The following NOP56 variants were observed in gnomAD, a reference collection of about 807,000 sequenced individuals.
NOP56 encodes the protein NOP56 ribonucleoprotein, also known as nucleolar protein 56.
NOP56 carries 31 observed loss-of-function variants against 58.3 expected under a neutral mutation model. That is an observed-to-expected ratio of 0.53 (90% CI 0.40 to 0.72). The LOEUF is 0.72. NOP56 is among the 30% of genes least tolerant of loss of function. The pLI is 0.00. For missense variants in NOP56, 669 were observed against 739.9 expected (o/e 0.90, Z 1.11); for synonymous variants, 313 against 282.8 (o/e 1.11, Z -1.07).
Position 2,656,477 on chromosome 20 carries a change from A to G in NOP56, c.1087A>G (p.Lys363Glu), listed in dbSNP as rs771665237. 1 of 1,614,208 alleles carries G rather than the reference A, an allele frequency of 6.2e-7. No individual in the cohort carries two copies. The highest frequency in any genetic ancestry group is 1.1e-5 in the South Asian group (1 of 91,082). The change falls in exon 9 of 12, where the codon AAG (lysine) becomes GAG (glutamate). Residue 363 changes from lysine (K) to glutamate (E), a missense_variant. By Grantham distance (56) the Lys-to-Glu change is moderately conservative. Coordinates refer to ENST00000329276, the MANE Select transcript of NOP56 (RefSeq NM_006392.4). ...HSTFIGRAAAKNKGRISRYLA... is the reference protein window; with the variant it reads ...HSTFIGRAAAENKGRISRYLA... The stretch of plus-strand genomic sequence containing the variant: ...CACCTTCATTGGCCGAGCAGCTGCC[A>G]AGAACAAAGGCCGCATCTCCCGATA...
In NOP56 at chr20:2,652,711, G is replaced by C. The variant is rs536257921; in HGVS notation, c.3+48G>C. ...GGGCGACGCGACGGTGGGGGTTTCGGCCTGCGTTCGGGCCGCAGACAGGGC... is the reference window on the plus strand; with the variant it reads ...GGGCGACGCGACGGTGGGGGTTTCGCCCTGCGTTCGGGCCGCAGACAGGGC... On this transcript the variant is annotated intron_variant, in intron 1 of 11. Transcript: ENST00000329276. 1.4e-3 allele frequency: 2,137 copies of C among 1,496,076 alleles called. 9 individuals are homozygous for C. The highest frequency in any genetic ancestry group is 2.4e-3 in the South Asian group (185 of 76,932). The allele number at this position is 1,496,076 out of a possible 1,614,324, so 92.7% of individuals were successfully genotyped here.
chr20:2,658,281 C>G lies in NOP56; in HGVS notation c.1772C>G (p.Ser591Cys). 6.3e-7 allele frequency: 1 copy of G among 1,595,658 alleles called. No homozygotes were observed. The change falls in exon 12 of 12, where the codon TCC (serine) becomes TGC (cysteine). Residue 591 changes from serine (S) to cysteine (C), a missense_variant. Ser to Cys is a moderately radical substitution (Grantham distance 112, BLOSUM62 -1). Around this residue, in one of 3 missense-constraint regions of NOP56, gnomAD observed 209 missense variants for 196.2 expected, o/e 1.07. Transcript: ENST00000329276. ...AAGAAGAAAAAGTTCCATAAAGCAT[C>G]CCAGGAAGATTAGAATGCAAATGGA... ...SKKKKKFHKA[S>C]QED
chr20:2,657,905 C>T (rs778881434), intron 11 of NOP56, 24 bp from the exon 12 acceptor site: 1 of 1,553,122 alleles, frequency 6.4e-7, no homozygotes, highest in South Asian at 1.2e-5. Context: ...TTCTCACAGC[C>T]TGTTCCCCTG....
chr20:2,653,969 T>C (rs546504573), intron 3 of NOP56: 10 of 344,658 alleles, frequency 2.9e-5, no homozygotes, highest in South Asian at 2.2e-4. Context: ...GGGGGGTTTC[T>C]TAAAGGGGGT....
At position 2,658,256 on chromosome 20, in the gene NOP56, A is replaced by G; in HGVS notation, c.1747A>G (p.Lys583Glu). The change falls in exon 12 of 12, where the codon AAG becomes GAG. Residue 583 changes from lysine to glutamate, a missense_variant. By Grantham distance (56) the Lys-to-Glu change is moderately conservative. Transcript: ENST00000329276. The stretch of plus-strand genomic sequence containing the variant: ...GGCGGTTGGCAAGAGCAGCTCCAAG[A>G]AGAAGAAAAAGTTCCATAAAGCATC... ...EEAVGKSSSKKKKKFHKASQE... is the reference protein window; with the variant it reads ...EEAVGKSSSKEKKKFHKASQE... 6.3e-7 allele frequency: 1 copy of G among 1,596,490 alleles called. No individual in the cohort carries two copies. The highest frequency in any genetic ancestry group is 8.5e-7 in the Non-Finnish European group (1 of 1,171,706).
rs752451297 is a variant in NOP56 at position 2,654,171 on chromosome 20, A to G, written c.209-243A>G. 20 of 723,954 alleles carry G rather than the reference A, an allele frequency of 2.8e-5. No individual in the cohort carries two copies. In the East Asian group the frequency reaches 4.5e-4, roughly 16 times the overall value. The allele number at this position is 723,954 out of a possible 1,614,324, so 44.8% of individuals were successfully genotyped here. A position where few individuals can be genotyped will look rare whatever the true frequency, so the allele number is the denominator to read the frequency against. On this transcript the variant is annotated intron_variant, in intron 3 of 11. Coordinates refer to ENST00000329276, the MANE Select transcript of NOP56 (RefSeq NM_006392.4). Reference sequence around the variant, plus strand: ...CTATTATTTATTGCCCACTTGTGCTATCAGACCTGAATGCAGTTGTTCCCA... The same window carrying G: ...CTATTATTTATTGCCCACTTGTGCTGTCAGACCTGAATGCAGTTGTTCCCA...
chr20:2,657,751 T>C, intron 11 of NOP56, 178 bp from the exon 12 acceptor site: 1 of 684,188 alleles, frequency 1.5e-6, no homozygotes. Context: ...ATGACATGTT[T>C]TCCTTCTAAT....
rs781018457 is a variant in NOP56, at chr20:2,652,636, C to T, written c.-25C>T. The stretch of plus-strand genomic sequence containing the variant: ...GCGCCGGAGCGCGCTAGCCGCATTG[C>T]GAGCCGAACCCGGGAGCTGGCGCCA... On this transcript the variant is annotated 5_prime_UTR_variant, in exon 1 of 12. Transcript: ENST00000329276. The T allele has an allele frequency of 1.3e-5, 18 of 1,405,168 alleles. No individual in the cohort carries two copies. Among genetic ancestry groups the T allele is most frequent in the South Asian group, 4.8e-5 (3 of 62,104 alleles). 87.0% of individuals were successfully genotyped at this position (1,405,168 alleles called of 1,614,324 possible).
chr20:2,653,048 C>T (rs2086770925), intron 2 of NOP56, 117 bp downstream of exon 2: 1 of 943,312 alleles, frequency 1.1e-6, no homozygotes, highest in Non-Finnish European at 1.6e-6. Context: ...GGGGACGGGC[C>T]TGGAAAGCTC....
intron 2 of NOP56, 156 bp from the exon 3 acceptor site, chr20:2,653,123 C>A: frequency 1.3e-6 from 1 of 795,224 alleles, no homozygotes; most frequent in East Asian, 2.5e-5. Context: ...AATAAGCCTC[C>A]CGGACGCCGC....
chr20:2,654,430 C>T lies in NOP56; in HGVS notation c.225C>T (p.Asp75=). ...NAVSEGVVHE[D]LRLLLETHLP... ...TCCCCTGAGGGGTTGTTCATGAGGACCTCCGCCTGCTCTTGGAGACCCACC... is the reference window on the plus strand; with the variant it reads ...TCCCCTGAGGGGTTGTTCATGAGGATCTCCGCCTGCTCTTGGAGACCCACC... The change falls in exon 4 of 12, where the codon GAC becomes GAT. Residue 75 remains aspartate (D), a synonymous_variant. Coordinates refer to ENST00000329276, the MANE Select transcript of NOP56 (RefSeq NM_006392.4). The T allele has an allele frequency of 3.7e-6, 6 of 1,614,110 alleles. No individual in the cohort carries two copies. Among genetic ancestry groups the T allele is most frequent in the Non-Finnish European group, 4.2e-6 (5 of 1,180,026 alleles).
chr20:2,655,139 C>A, intron 5 of NOP56, 186 bp from the exon 6 acceptor site: 6 of 1,023,826 alleles, frequency 5.9e-6, no homozygotes, highest in Non-Finnish European at 9.3e-6. Context: ...GTAAACCTAC[C>A]CCATATACAC....
intron 3 of NOP56, 72 bp downstream of exon 3, chr20:2,653,465 A>T: frequency 7.8e-7 from 1 of 1,275,996 alleles, no homozygotes; most frequent in Non-Finnish European, 1.1e-6. Context: ...AGCTTGTGAT[A>T]GTATTTGCCG....
chr20:2,656,512 C>T lies in NOP56; in HGVS notation c.1122C>T (p.Asn374=), dbSNP rs1266845850. The change falls in exon 9 of 12, where the codon AAC becomes AAT. Residue 374 remains asparagine (N), a synonymous_variant. Coordinates refer to ENST00000329276, the MANE Select transcript of NOP56 (RefSeq NM_006392.4). Reference sequence around the variant, plus strand: ...GCCGCATCTCCCGATACCTGGCAAACAAATGCAGTATTGCCTCACGAATCG... The same window carrying T: ...GCCGCATCTCCCGATACCTGGCAAATAAATGCAGTATTGCCTCACGAATCG... ...NKGRISRYLA[N]KCSIASRIDC... 1 of 1,611,376 alleles carries T rather than the reference C, an allele frequency of 6.2e-7. No homozygotes were observed. Among genetic ancestry groups the T allele is most frequent in the African/African-American group, 1.3e-5 (1 of 74,854 alleles).
At position 2,653,003 on chromosome 20, in the gene NOP56, C is replaced by T. The variant is rs547170891; in HGVS notation, c.93+72C>T. On this transcript the variant is annotated intron_variant, in intron 2 of 11. Coordinates refer to ENST00000329276, the MANE Select transcript of NOP56 (RefSeq NM_006392.4). Reference sequence around the variant, plus strand: ...CGCGCGGGTCCCAGCATGCACAGCGCGCTCCCACGTGGCCGGCCGAGCGGT... The same window carrying T: ...CGCGCGGGTCCCAGCATGCACAGCGTGCTCCCACGTGGCCGGCCGAGCGGT... 3.9e-5 allele frequency: 53 copies of T among 1,376,542 alleles called. No homozygotes were observed. The African/African-American group carries it at 7.3e-4, about 19-fold the overall frequency. The allele number at this position is 1,376,542 out of a possible 1,614,324, so 85.3% of individuals were successfully genotyped here. A position where few individuals can be genotyped will look rare whatever the true frequency, so the allele number is the denominator to read the frequency against.
At position 2,658,086 on chromosome 20, in the gene NOP56, C is replaced by T. The variant is rs767573273; in HGVS notation, c.1577C>T (p.Ala526Val). ...ATGAGTAGCGATCTTGAAGAGACCG[C>T]TGGCAGCACCAGTATTCCCAAGAGG... ...ELMSSDLEETAGSTSIPKRKK... is the reference protein window; with the variant it reads ...ELMSSDLEETVGSTSIPKRKK... Residue 526 changes from alanine to valine, a missense_variant, in exon 12 of 12, where the codon GCT (alanine) becomes GTT (valine). Transcript: ENST00000329276. 6.2e-7 allele frequency: 1 copy of T among 1,614,118 alleles called. No homozygotes were observed. Among genetic ancestry groups the T allele is most frequent in the Non-Finnish European group, 8.5e-7 (1 of 1,179,990 alleles).
chr20:2,653,854 C>T, intron 3 of NOP56: 1 of 270,346 alleles, frequency 3.7e-6, no homozygotes, highest in South Asian at 3.7e-5. Flanking sequence ...GGGGTTTCAC[C>T]ATGTTGGCCA....
At position 2,657,101 on chromosome 20, in the gene NOP56, G is replaced by C. The variant is rs371932118; in HGVS notation, c.1302G>C (p.Glu434Asp). ...ACCAGGCAGAGGAAGCGGCTGCTGA[G>C]ATTACTAGGAAGCTGGAGAAACAGG... Reference protein sequence around the residue: ...AMVQAEEAAAEITRKLEKQEK... With the variant: ...AMVQAEEAAADITRKLEKQEK... The change falls in exon 11 of 12, where the codon GAG (glutamate) becomes GAC (aspartate). Residue 434 changes from glutamate to aspartate, a missense_variant. Around this residue, in one of 3 missense-constraint regions of NOP56, gnomAD observed 209 missense variants for 196.2 expected, o/e 1.07. Coordinates refer to ENST00000329276, the MANE Select transcript of NOP56 (RefSeq NM_006392.4). The C allele has an allele frequency of 6.2e-7, 1 of 1,613,320 alleles. No individual in the cohort carries two copies. Among genetic ancestry groups the C allele is most frequent in the East Asian group, 2.2e-5 (1 of 44,826 alleles).
intron 11 of NOP56, chr20:2,657,615 T>C: frequency 2.0e-6 from 1 of 501,978 alleles, no homozygotes; most frequent in Non-Finnish European, 3.6e-6. Flanking sequence ...GAGATTTTCA[T>C]TTAGCACCCA....
Sources: allele counts gnomAD v4.1 joint callset, GRCh38; gene constraint gnomAD v4.1.1; regional missense constraint gnomAD v4.1.1; transcripts MANE v1.5; gene names NCBI Gene and HGNC (gene_info 2026-07-23, HGNC 2026-07-21).